The following TBC1D32 variants were observed in gnomAD, a reference collection of about 807,000 sequenced individuals.
TBC1D32 encodes the protein protein broad-minded.
A neutral mutation model predicts 170.3 loss-of-function variants in TBC1D32; 151 were observed. The observed-to-expected ratio is 0.89, with a 90% CI of 0.78 to 1.01. The LOEUF is 1.01. Ranked by LOEUF, TBC1D32 falls within the 50% of genes least tolerant of loss-of-function variation. The pLI, the probability that TBC1D32 is intolerant of heterozygous loss-of-function variation, is 0.00. For missense variants in TBC1D32, 1,464 were observed against 1,457.1 expected (o/e 1.00, Z -0.08); for synonymous variants, 498 against 488.0 (o/e 1.02, Z -0.27).
chr6:121,200,203 T>C (rs944043820), intron 22 of TBC1D32, among the ~76,000 whole-genome samples: 1 of 151,418 alleles, frequency 6.6e-6, no homozygotes, highest in African/African-American at 2.5e-5. Flanking sequence ...TTTTAAACCA[T>C]GTTAAATTTT....
intron 31 of TBC1D32, among the ~76,000 whole-genome samples, chr6:121,089,807 A>G (rs1263399582): frequency 2.0e-5 from 3 of 152,068 alleles, no homozygotes; most frequent in East Asian, 1.9e-4. Context: ...TAATTTACAT[A>G]GAAACTGTTT....
At chr6:121,100,576 C>A (rs1185287506) in intron 30 of TBC1D32, among the ~76,000 whole-genome samples, 1 of 152,016 alleles carries the variant, frequency 6.6e-6, no homozygotes, top group Non-Finnish European at 1.5e-5. Flanking sequence ...CTCTGGGACA[C>A]ATTTAAAGCA....
intron 21 of TBC1D32, among the ~76,000 whole-genome samples, chr6:121,219,511 C>T (rs1235729403): frequency 2.0e-5 from 3 of 151,998 alleles, no homozygotes; most frequent in African/African-American, 7.2e-5. Flanking sequence ...TATCATAAAA[C>T]TAATTTGTAC....
At chr6:121,196,549 A>G (rs1790761872) in intron 22 of TBC1D32, among the ~76,000 whole-genome samples, 1 of 152,178 alleles carries the variant, frequency 6.6e-6, no homozygotes, top group Non-Finnish European at 1.5e-5. Flanking sequence ...CCGTGGACTC[A>G]TGGAATGCCT....
intron 30 of TBC1D32, among the ~76,000 whole-genome samples, chr6:121,094,625 C>A (rs1360041248): frequency 2.6e-5 from 4 of 152,100 alleles, no homozygotes; most frequent in Non-Finnish European, 5.9e-5. Context: ...TAGAATAGTA[C>A]ATGAACTAGA....
At position 121,115,277 on chromosome 6, in the gene TBC1D32, A is replaced by G. The variant is rs756733595; in HGVS notation, c.2984-36T>C. ...CAGAAAACTGAGTTATAAAGTGCAG[A>G]AAAGTTTGCATAATAATCACATTTT... is the stretch of plus-strand genomic sequence containing the variant. On this transcript the variant is annotated intron_variant, in intron 26 of 31. Transcript: ENST00000398212. 2.8e-6 allele frequency: 4 copies of G among 1,417,356 alleles called. No homozygotes were observed. The South Asian group carries it at 5.9e-5, about 21-fold the overall frequency. 87.8% of individuals were successfully genotyped at this position (1,417,356 alleles called of 1,614,324 possible). A position where few individuals can be genotyped will look rare whatever the true frequency, so the allele number is the denominator to read the frequency against.
rs545212598 is a variant in TBC1D32 at position 121,287,713 on chromosome 6, C to T, written c.1373-3803G>A. 1.4e-4 allele frequency among the ~76,000 whole-genome samples: 21 copies of T among 152,264 alleles called. No homozygotes were observed. In the South Asian group the frequency reaches 4.3e-3, roughly 32 times the overall value. On this transcript the variant is annotated intron_variant, in intron 12 of 31. Coordinates refer to ENST00000398212, the MANE Select transcript of TBC1D32 (RefSeq NM_152730.6). Reference sequence around the variant, plus strand: ...AACAGAATATACATTCTTCCCAACACCACACCGCACTTATTCCAAATTGAC... The same window carrying T: ...AACAGAATATACATTCTTCCCAACATCACACCGCACTTATTCCAAATTGAC...
At chr6:121,272,923 G>A (rs553187980) in intron 15 of TBC1D32, among the ~76,000 whole-genome samples, 216 of 152,242 alleles carry the variant, frequency 1.4e-3, no homozygotes, top group Non-Finnish European at 2.2e-3. Flanking sequence ...GGAATACTAC[G>A]CAGCCATAAA....
intron 20 of TBC1D32, among the ~76,000 whole-genome samples, chr6:121,225,070 A>C (rs1794912069): frequency 6.6e-6 from 1 of 152,018 alleles, no homozygotes; most frequent in African/African-American, 2.4e-5. Flanking sequence ...ATAGAAAAGG[A>C]AGAAAAAAAT....
At chr6:121,309,182 T>G (rs886912703) in intron 4 of TBC1D32, among the ~76,000 whole-genome samples, 3 of 152,210 alleles carry the variant, frequency 2.0e-5, no homozygotes, top group Non-Finnish European at 4.4e-5. Context: ...TATTGAGAGA[T>G]TTAAGATTAG....
At chr6:121,250,817 T>A (rs1176398140) in intron 17 of TBC1D32, among the ~76,000 whole-genome samples, 4 of 152,112 alleles carry the variant, frequency 2.6e-5, no homozygotes, top group Admixed American at 6.5e-5. Context: ...ATGACATGAT[T>A]ATATATTTAG....
intron 22 of TBC1D32, among the ~76,000 whole-genome samples, chr6:121,175,439 A>G (rs992355258): frequency 1.3e-5 from 2 of 152,222 alleles, no homozygotes; most frequent in Non-Finnish European, 2.9e-5. Context: ...ACTAGAAATA[A>G]TGTAAAGCTT....
intron 27 of TBC1D32, among the ~76,000 whole-genome samples, chr6:121,114,225 C>A (rs1171857465): frequency 1.3e-5 from 2 of 152,086 alleles, no homozygotes; most frequent in Non-Finnish European, 2.9e-5. Flanking sequence ...GTATTTGAGG[C>A]ATGAAAAGAA....
intron 21 of TBC1D32, among the ~76,000 whole-genome samples, chr6:121,205,525 T>G (rs1186291862): frequency 6.6e-6 from 1 of 152,164 alleles, no homozygotes; most frequent in Non-Finnish European, 1.5e-5. Context: ...GCCAAAAATG[T>G]AAACTACTTT....
At chr6:121,194,760 A>G (rs1790507717) in intron 22 of TBC1D32, among the ~76,000 whole-genome samples, 2 of 152,176 alleles carry the variant, frequency 1.3e-5, no homozygotes, top group African/African-American at 4.8e-5. Context: ...CTCCAGCTTT[A>G]TATCATAATC....
chr6:121,201,118 A>G (rs1482854787), intron 22 of TBC1D32, among the ~76,000 whole-genome samples: 1 of 151,566 alleles, frequency 6.6e-6, no homozygotes, highest in Non-Finnish European at 1.5e-5. Flanking sequence ...ACAAGGTTAA[A>G]GAGAATGAGC....
chr6:121,193,320 A>G (rs1471189465), intron 22 of TBC1D32, among the ~76,000 whole-genome samples: 1 of 152,170 alleles, frequency 6.6e-6, no homozygotes, highest in East Asian at 1.9e-4. Flanking sequence ...CCTTTGGTTT[A>G]ACATAGAGGA....
Position 121,327,973 on chromosome 6 carries a change from T to G in TBC1D32, c.156-6179A>C, listed in dbSNP as rs1372231675. Reference sequence around the variant, plus strand: ...ATTTCTATTCAAGAAACACAAAAGCTCTCTGAAAAACCTATATCATGCTTA... The same window carrying G: ...ATTTCTATTCAAGAAACACAAAAGCGCTCTGAAAAACCTATATCATGCTTA... On this transcript the variant is annotated intron_variant, in intron 1 of 31. Transcript: ENST00000398212. Among the ~76,000 whole-genome samples the G allele has an allele frequency of 2.0e-5, 3 of 152,126 alleles. No individual in the cohort carries two copies. In the South Asian group the frequency reaches 6.2e-4, roughly 32 times the overall value.
intron 22 of TBC1D32, among the ~76,000 whole-genome samples, chr6:121,175,901 T>C (rs943300439): frequency 1.3e-5 from 2 of 152,244 alleles, no homozygotes; most frequent in African/African-American, 4.8e-5. Flanking sequence ...TGTTCATTAT[T>C]AGAAGACAAT....
Sources: gnomAD v4.1 joint callset for allele counts (sites outside exome capture counted in the v4.1 genomes callset) on GRCh38, gnomAD v4.1.1 for gene constraint, MANE v1.5 for transcripts, NCBI Gene and HGNC (gene_info 2026-07-23, HGNC 2026-07-21) for gene names.